Variants in MUC3A observed in about 807,000 individuals in gnomAD.
MUC3A encodes mucin-3A.
MUC3A carries 109 observed loss-of-function variants against 109.0 expected under a neutral mutation model. The ratio of observed to expected loss-of-function variants is 1.00; its 90% confidence interval spans 0.86 to 1.17. The LOEUF (loss-of-function observed/expected upper bound fraction) is 1.17. MUC3A is among the 50% of genes most tolerant of loss of function. The probability of loss-of-function intolerance (pLI) is 0.00; values close to 1 mark genes in which losing one functional copy is unlikely to be tolerated. For missense variants in MUC3A, 3,537 were observed against 2,469.4 expected (o/e 1.43, Z -9.16); for synonymous variants, 1,398 against 981.4 (o/e 1.42, Z -7.93).
At position 100,965,302 on chromosome 7, in the gene MUC3A, T is replaced by C; in HGVS notation, c.9403T>C (p.Ser3135Pro). 6.3e-7 allele frequency: 1 copy of C among 1,599,230 alleles called. No individual in the cohort carries two copies. The highest frequency in any genetic ancestry group is 1.1e-5 in the South Asian group (1 of 91,002). ...DSQTLCFKPD[S>P]IKVNNNSKTE... ...CGCAGCCCTGTGTTTTAAGCCTGAC[T>C]CCATCAAGGTGAACAACAACAGCAA... Residue 3135 changes from serine to proline, a missense_variant, in exon 7 of 12, where the codon TCC (serine) becomes CCC (proline). Physicochemically the swap from Ser to Pro is moderately conservative, Grantham distance 74. Transcript: ENST00000379458.
At chr7:100,965,380 C>T (rs1019177891) in intron 7 of MUC3A, 33 bp downstream of exon 7, 880 of 1,587,812 alleles carry the variant, frequency 5.5e-4, no homozygotes, top group Non-Finnish European at 5.4e-4. Context: ...AGTGGTCTCC[C>T]GCGGCTATGA....
chr7:100,952,475 C>T lies in MUC3A; in HGVS notation c.696C>T (p.Pro232=). Residue 232 remains proline (P), a synonymous_variant, in exon 2 of 12, where the codon CCC becomes CCT. Coordinates refer to ENST00000379458, the MANE Select transcript of MUC3A (RefSeq NM_005960.2). ...GAACCACAGAAAGGACTCCCCTGCC[C>T]ACTGGAAGCATCCATACAACCACGT... ...TTRTTERTPL[P]TGSIHTTTSP... 6.3e-7 allele frequency: 1 copy of T among 1,598,488 alleles called. No individual in the cohort carries two copies. Among genetic ancestry groups the T allele is most frequent in the South Asian group, 1.1e-5 (1 of 91,070 alleles).
chr7:100,963,870 A>G (rs1792428515), intron 5 of MUC3A, 118 bp downstream of exon 5: 3 of 1,439,224 alleles, frequency 2.1e-6, no homozygotes, highest in Non-Finnish European at 2.8e-6. Flanking sequence ...TGGAGGGGGT[A>G]CATAAGGAAT....
chr7:100,962,847 CTCTCTA>C (rs1563073244), intron 3 of MUC3A, among the ~76,000 whole-genome samples: 104 of 129,566 alleles, frequency 8.0e-4, no homozygotes, highest in African/African-American at 1.2e-3. Context: ...TTCTCTCTCT[CTCTCTA>C]TCTTTCTTTT....
rs76490057 is a variant in MUC3A, at chr7:100,968,210, T to C, written c.*1048T>C. 0.026 allele frequency: 3,913 copies of C among 149,480 alleles called. No homozygotes were observed. The highest frequency in any genetic ancestry group is 0.054 in the Middle Eastern group (17 of 314). 9.3% of individuals were successfully genotyped at this position (149,480 alleles called of 1,614,324 possible). ...CCCCTCCTCCCCCTTCTCTTCCTGG[T>C]GTCACCTGGATTCCTGCAGTAACTC... On this transcript the variant is annotated 3_prime_UTR_variant, in exon 12 of 12. Transcript: ENST00000379458.
In MUC3A at chr7:100,952,604, C is replaced by A; in HGVS notation, c.825C>A (p.Thr275=). 6.3e-7 allele frequency: 1 copy of A among 1,595,620 alleles called. No homozygotes were observed. The highest frequency in any genetic ancestry group is 1.1e-5 in the South Asian group (1 of 90,944). The change falls in exon 2 of 12, where the codon ACC becomes ACA. Residue 275 remains threonine (T), a synonymous_variant. Coordinates refer to ENST00000379458, the MANE Select transcript of MUC3A (RefSeq NM_005960.2). Reference sequence around the variant, plus strand: ...ATACAGTGACTTCTATGACAACGACCGCCTCCCAGCCCACAGCCACTAATA... The same window carrying A: ...ATACAGTGACTTCTATGACAACGACAGCCTCCCAGCCCACAGCCACTAATA... ...STNTVTSMTT[T]ASQPTATNTL...
chr7:100,966,504 G>A lies in MUC3A; in HGVS notation c.9730G>A (p.Ala3244Thr). 1 of 1,305,396 alleles carries A rather than the reference G, an allele frequency of 7.7e-7. No individual in the cohort carries two copies. The highest frequency in any genetic ancestry group is 9.6e-7 in the Non-Finnish European group (1 of 1,036,526). 80.9% of individuals were successfully genotyped at this position (1,305,396 alleles called of 1,614,324 possible). ...GAALLVLLLL[A>T]LGVRAVRSGW... ...CGCGCTGCTGGTGCTGCTGCTGCTG[G>A]CGCTGGGCGTCCGGGCGGTGCGCTC... Residue 3244 changes from alanine to threonine, a missense_variant, in exon 9 of 12, where the codon GCG (alanine) becomes ACG (threonine). Ala to Thr is a moderately conservative substitution (Grantham distance 58, BLOSUM62 0). Transcript: ENST00000379458.
Position 100,959,240 on chromosome 7 carries a change from A to T in MUC3A, c.7461A>T (p.Thr2487=), listed in dbSNP as rs1456904455. The T allele has an allele frequency of 1.3e-6, 2 of 1,597,966 alleles. No individual in the cohort carries two copies. Among genetic ancestry groups the T allele is most frequent in the Admixed American group, 3.3e-5 (2 of 59,992 alleles). ...PSSLSTDIPT[T]SLRTLTPSSV... is the part of the protein sequence containing the mutation. ...CTCTGAGTACAGACATCCCGACCACAAGCCTACGAACTCTCACCCCTTCGT... is the reference window on the plus strand; with the variant it reads ...CTCTGAGTACAGACATCCCGACCACTAGCCTACGAACTCTCACCCCTTCGT... The change falls in exon 2 of 12, where the codon ACA becomes ACT. Residue 2487 remains threonine, a synonymous_variant. Coordinates refer to ENST00000379458, the MANE Select transcript of MUC3A (RefSeq NM_005960.2).
rs75842043 is a variant in MUC3A, at chr7:100,959,052, G to C, written c.7273G>C (p.Gly2425Arg). Residue 2425 changes from glycine to arginine, a missense_variant, in exon 2 of 12, where the codon GGC (glycine) becomes CGC (arginine). Coordinates refer to ENST00000379458, the MANE Select transcript of MUC3A (RefSeq NM_005960.2). ...TTETTSHSTPGFTSSITTTET... is the reference protein window; with the variant it reads ...TTETTSHSTPRFTSSITTTET... ...TGAGACTACCTCACACAGTACTCCT[G>C]GCTTCACTTCTTCAATCACCACCAC... 2 of 1,397,312 alleles carry C rather than the reference G, an allele frequency of 1.4e-6. No individual in the cohort carries two copies. Among genetic ancestry groups the C allele is most frequent in the African/African-American group, 5.1e-5 (2 of 38,868 alleles). 86.6% of individuals were successfully genotyped at this position (1,397,312 alleles called of 1,614,324 possible). A position where few individuals can be genotyped will look rare whatever the true frequency, so the allele number is the denominator to read the frequency against.
rs544678416 is a variant in MUC3A, at chr7:100,952,545, A to G, written c.766A>G (p.Thr256Ala). The G allele has an allele frequency of 6.3e-7, 1 of 1,598,484 alleles. No individual in the cohort carries two copies. Among genetic ancestry groups the G allele is most frequent in the African/African-American group, 1.3e-5 (1 of 75,082 alleles). ...TACTCTCAAAACAGCAGTGACTTCC[A>G]CTTCCCCCATCACTTCTTCAATCAC... ...FTTLKTAVTS[T>A]SPITSSITST... The change falls in exon 2 of 12, where the codon ACT becomes GCT. Residue 256 changes from threonine (T) to alanine (A), a missense_variant. Physicochemically the swap from Thr to Ala is moderately conservative, Grantham distance 58. Coordinates refer to ENST00000379458, the MANE Select transcript of MUC3A (RefSeq NM_005960.2).
intron 5 of MUC3A, chr7:100,963,960 C>T: frequency 1.4e-6 from 1 of 700,786 alleles, no homozygotes; most frequent in Non-Finnish European, 2.4e-6. Context: ...CTTCAGCACA[C>T]TGGAAGGAGA....
chr7:100,963,716 G>A lies in MUC3A; in HGVS notation c.9197G>A (p.Gly3066Asp). The part of the protein sequence containing the change: ...QMQKIFADMQ[G>D]FTFKGVEILS... ...CAGAAGATTTTTGCAGACATGCAGG[G>A]CTTCACCTTCAAGGGTGTGGAGATC... The change falls in exon 5 of 12, where the codon GGC becomes GAC. Residue 3066 changes from glycine (G) to aspartate (D), a missense_variant. Gly to Asp is a moderately conservative substitution (Grantham distance 94). Transcript: ENST00000379458. 6.3e-7 allele frequency: 1 copy of A among 1,598,534 alleles called. No homozygotes were observed. Among genetic ancestry groups the A allele is most frequent in the Non-Finnish European group, 8.5e-7 (1 of 1,179,818 alleles).
rs796624565 is a variant in MUC3A, at chr7:100,958,573, C to G, written c.6794C>G (p.Thr2265Ser). The change falls in exon 2 of 12, where the codon ACC (threonine) becomes AGC (serine). Residue 2265 changes from threonine to serine, a missense_variant. Physicochemically the swap from Thr to Ser is moderately conservative, Grantham distance 58 (BLOSUM62 1). Coordinates refer to ENST00000379458, the MANE Select transcript of MUC3A (RefSeq NM_005960.2). ...SFTSSITTTE[T>S]TSHDTPSFTS... ...ACTTCTTCGATCACCACCACTGAGACCACCTCACATGATACTCCCAGCTTC... is the reference window on the plus strand; with the variant it reads ...ACTTCTTCGATCACCACCACTGAGAGCACCTCACATGATACTCCCAGCTTC... 8.3e-7 allele frequency: 1 copy of G among 1,204,964 alleles called. No individual in the cohort carries two copies. Among genetic ancestry groups the G allele is most frequent in the Admixed American group, 2.2e-5 (1 of 46,368 alleles). The allele number at this position is 1,204,964 out of a possible 1,614,324, so 74.6% of individuals were successfully genotyped here.
Position 100,960,854 on chromosome 7 carries a change from G to A in MUC3A, c.8969G>A (p.Gly2990Asp). The A allele has an allele frequency of 4.4e-6, 7 of 1,598,528 alleles. No individual in the cohort carries two copies. Among genetic ancestry groups the A allele is most frequent in the Non-Finnish European group, 5.1e-6 (6 of 1,179,808 alleles). ...CQLQTRCQNG[G>D]QWDGLKCQCP... ...CTCCAGACCAGATGCCAGAATGGGG[G>A]TCAGTGGGATGGCCTCAAATGCCAG... is the stretch of plus-strand genomic sequence containing the variant. Residue 2990 changes from glycine (G) to aspartate (D), a missense_variant, in exon 3 of 12, where the codon GGT becomes GAT. Coordinates refer to ENST00000379458, the MANE Select transcript of MUC3A (RefSeq NM_005960.2).
Position 100,965,715 on chromosome 7 carries a change from C to T in MUC3A, c.9460C>T (p.Arg3154Cys). Residue 3154 changes from arginine (R) to cysteine (C), a missense_variant, in exon 8 of 12, where the codon CGC (arginine) becomes TGC (cysteine). Physicochemically the swap from Arg to Cys is radical, Grantham distance 180 (BLOSUM62 -3). Transcript: ENST00000379458. ...TCCCCAACCCCCAGCCATCTGCCGC[C>T]GCGCCGCTCCCACGGGCTATGAAGA... is the stretch of plus-strand genomic sequence containing the variant. ...TELTPAAICR[R>C]AAPTGYEEFY... 6.3e-7 allele frequency: 1 copy of T among 1,597,330 alleles called. No homozygotes were observed. Among genetic ancestry groups the T allele is most frequent in the Non-Finnish European group, 8.5e-7 (1 of 1,179,106 alleles).
rs993419165 is a variant in MUC3A at position 100,963,242 on chromosome 7, T to C, written c.9144T>C (p.Asp3048=). 13 of 1,597,920 alleles carry C rather than the reference T, an allele frequency of 8.1e-6. No individual in the cohort carries two copies. The African/African-American group carries it at 1.7e-4, about 21-fold the overall frequency. Residue 3048 remains aspartate (D), a synonymous_variant, in exon 4 of 12, where the codon GAT becomes GAC. Transcript: ENST00000379458. ...ACAACACTTCCCAGGCCTACAGGGA[T>C]TTCAACAAGACCTTCTGGAATCAGG... is the stretch of plus-strand genomic sequence containing the variant. ...LNDNTSQAYR[D]FNKTFWNQMQ...
intron 8 of MUC3A, 57 bp from the exon 9 acceptor site, chr7:100,966,329 C>A: frequency 7.9e-7 from 1 of 1,264,684 alleles, no homozygotes; most frequent in Non-Finnish European, 9.9e-7. Flanking sequence ...GGCCCAGGTG[C>A]ACGGGTGGAC....
Position 100,958,538 on chromosome 7 carries a change from T to G in MUC3A, c.6759T>G (p.Thr2253=). 7.2e-7 allele frequency: 1 copy of G among 1,380,976 alleles called. No individual in the cohort carries two copies. The highest frequency in any genetic ancestry group is 1.5e-5 in the African/African-American group (1 of 68,670). 85.5% of individuals were successfully genotyped at this position (1,380,976 alleles called of 1,614,324 possible). A position where few individuals can be genotyped will look rare whatever the true frequency, so the allele number is the denominator to read the frequency against. ...CCACTGAGACTACATCCCACAGTAC[T>G]CCCAGCTTCACTTCTTCGATCACCA... ...ITTTETTSHS[T]PSFTSSITTT... Residue 2253 remains threonine (T), a synonymous_variant, in exon 2 of 12, where the codon ACT becomes ACG. Transcript: ENST00000379458.
intron 8 of MUC3A, 183 bp downstream of exon 8, chr7:100,966,049 T>TCGCCCTAAAGTGTAGACCGCCTCC: frequency 1.2e-6 from 1 of 855,048 alleles, no homozygotes; most frequent in Non-Finnish European, 1.7e-6. Flanking sequence ...GCTCTGCTCC[T>TCGCCCTAAAGTGTAGACCGCCTCC]TTGATGGGGT....
Sources: gnomAD v4.1 joint callset for allele counts (sites outside exome capture counted in the v4.1 genomes callset) on GRCh38, gnomAD v4.1.1 for gene constraint, MANE v1.5 for transcripts, NCBI Gene and HGNC (gene_info 2026-07-23, HGNC 2026-07-21) for gene names.